The following LSAMP variants were observed in gnomAD, a reference collection of about 807,000 sequenced individuals.
LSAMP encodes the protein limbic system associated membrane protein.
In LSAMP, 7 loss-of-function variants were observed where a neutral mutation model predicts 38.6. The ratio of observed to expected loss-of-function variants is 0.18; its 90% CI spans 0.10 to 0.34. The LOEUF is 0.34. LSAMP is among the 10% of genes least tolerant of loss of function. The pLI is 1.00. For synonymous variants in LSAMP, 154 were observed against 166.8 expected (o/e 0.92, Z 0.59); for missense variants, 313 against 420.0 (o/e 0.75, Z 2.23).
At chr3:116,127,736 A>T (rs754330572) in intron 1 of LSAMP, among the ~76,000 whole-genome samples, 2 of 108,954 alleles carry the variant, frequency 1.8e-5, no homozygotes, top group African/African-American at 3.5e-5. Context: ...GACCTGTTGG[A>T]TCACGAGGCA....
intron 3 of LSAMP, among the ~76,000 whole-genome samples, chr3:115,905,172 C>T (rs1166262775): frequency 6.6e-6 from 1 of 152,076 alleles, no homozygotes; most frequent in Admixed American, 6.6e-5. Context: ...TTACAATGAA[C>T]AGCCAAAATT....
chr3:115,812,746 G>GT (rs771492931), intron 6 of LSAMP, among the ~76,000 whole-genome samples: 3 of 152,148 alleles, frequency 2.0e-5, no homozygotes, highest in Non-Finnish European at 4.4e-5. Flanking sequence ...AAAACAAAAG[G>GT]TTTTCAGAAA....
chr3:116,043,249 C>T (rs2107720811), intron 2 of LSAMP, among the ~76,000 whole-genome samples: 1 of 152,270 alleles, frequency 6.6e-6, no homozygotes, highest in East Asian at 1.9e-4. Flanking sequence ...AACTAACCAA[C>T]TCATCAAAAA....
chr3:116,308,596 C>A (rs2047515946), intron 1 of LSAMP, among the ~76,000 whole-genome samples: 1 of 4,270 alleles, frequency 2.3e-4, no homozygotes, highest in African/African-American at 2.9e-4. Flanking sequence ...TTTCATGACT[C>A]CAAATTCTCA....
intron 3 of LSAMP, among the ~76,000 whole-genome samples, chr3:115,887,395 G>A (rs1191735850): frequency 1.3e-5 from 2 of 151,744 alleles, no homozygotes; most frequent in Non-Finnish European, 2.9e-5. Flanking sequence ...TTAATAACTA[G>A]CAATAACAAA....
At chr3:116,439,763 G>A (rs906290792) in intron 1 of LSAMP, among the ~76,000 whole-genome samples, 20 of 152,094 alleles carry the variant, frequency 1.3e-4, no homozygotes, top group Non-Finnish European at 1.6e-4. Flanking sequence ...TCGCTCTGTC[G>A]CCAGGCTGGA....
At chr3:116,423,348 C>T (rs1489504624) in intron 1 of LSAMP, among the ~76,000 whole-genome samples, 2 of 152,142 alleles carry the variant, frequency 1.3e-5, no homozygotes, top group Admixed American at 6.6e-5. Context: ...CTGAGCACAG[C>T]CAACATCCAC....
chr3:116,025,620 T>C (rs1164625414), intron 2 of LSAMP, among the ~76,000 whole-genome samples: 3 of 152,130 alleles, frequency 2.0e-5, no homozygotes, highest in Middle Eastern at 3.2e-3. Flanking sequence ...TTATTTCTGG[T>C]ATGAGAAATA....
intron 1 of LSAMP, among the ~76,000 whole-genome samples, chr3:116,149,804 A>C (rs1170539802): frequency 1.3e-5 from 2 of 152,018 alleles, no homozygotes; most frequent in South Asian, 4.1e-4. Flanking sequence ...AATATCTTTC[A>C]TAAAAGGCTC....
At chr3:116,369,322 A>G (rs1415004508) in intron 1 of LSAMP, among the ~76,000 whole-genome samples, 1 of 152,192 alleles carries the variant, frequency 6.6e-6, no homozygotes, top group African/African-American at 2.4e-5. Context: ...GTCAAGAGAA[A>G]AAATGTTATT....
intron 1 of LSAMP, among the ~76,000 whole-genome samples, chr3:116,300,896 A>G (rs938063571): frequency 6.6e-6 from 1 of 152,148 alleles, no homozygotes; most frequent in Non-Finnish European, 1.5e-5. Context: ...CGAAATGCTC[A>G]TTTTGGGGAA....
At chr3:116,251,789 A>G (rs2107649095) in intron 1 of LSAMP, among the ~76,000 whole-genome samples, 1 of 152,362 alleles carries the variant, frequency 6.6e-6, no homozygotes, top group Middle Eastern at 3.4e-3. Context: ...TGCTTTTCTT[A>G]CACAAGCCAA....
At chr3:115,982,584 G>A (rs1576281512) in intron 3 of LSAMP, among the ~76,000 whole-genome samples, 1 of 152,254 alleles carries the variant, frequency 6.6e-6, no homozygotes, top group East Asian at 1.9e-4. Flanking sequence ...TACACTCTGT[G>A]ACTAGTTTCT....
At chr3:116,241,965 T>G (rs1237535108) in intron 1 of LSAMP, among the ~76,000 whole-genome samples, 2 of 152,220 alleles carry the variant, frequency 1.3e-5, no homozygotes, top group East Asian at 3.8e-4. Flanking sequence ...TTACTTGTAT[T>G]CCCGGAAATA....
intron 1 of LSAMP, among the ~76,000 whole-genome samples, chr3:116,255,160 A>G (rs565105387): frequency 3.8e-4 from 58 of 152,198 alleles, no homozygotes; most frequent in Admixed American, 2.8e-3. Flanking sequence ...CACCATCAGT[A>G]GTGATGTTTG....
chr3:116,416,718 C>T (rs1030093788), intron 1 of LSAMP, among the ~76,000 whole-genome samples: 1 of 152,132 alleles, frequency 6.6e-6, no homozygotes, highest in East Asian at 1.9e-4. Context: ...CATGGCTTAT[C>T]ACATTGCTGT....
chr3:116,061,467 G>A (rs1941593620), intron 2 of LSAMP, among the ~76,000 whole-genome samples: 1 of 152,182 alleles, frequency 6.6e-6, no homozygotes, highest in Non-Finnish European at 1.5e-5. Context: ...GTGGTGAGAG[G>A]CATGGTAGGT....
intron 1 of LSAMP, among the ~76,000 whole-genome samples, chr3:116,334,256 A>C (rs1428626391): frequency 6.6e-6 from 1 of 152,118 alleles, no homozygotes; most frequent in Non-Finnish European, 1.5e-5. Flanking sequence ...GTAATCAAAA[A>C]TCTTCTAAGA....
intron 3 of LSAMP, among the ~76,000 whole-genome samples, chr3:115,922,718 G>T (rs1458146866): frequency 6.6e-6 from 1 of 152,156 alleles, no homozygotes; most frequent in Non-Finnish European, 1.5e-5. Flanking sequence ...TCACCCATCA[G>T]TCAGGCTGGG....
Sources: gnomAD v4.1 joint callset for allele counts (sites outside exome capture counted in the v4.1 genomes callset) on GRCh38, gnomAD v4.1.1 for gene constraint, MANE v1.5 for transcripts, NCBI Gene and HGNC (gene_info 2026-07-23, HGNC 2026-07-21) for gene names.